Variants in LINGO2 observed in about 807,000 individuals in gnomAD.
LINGO2 encodes leucine-rich repeat and immunoglobulin-like domain-containing nogo receptor-interacting protein 2.
In LINGO2, 14 loss-of-function variants were observed where a neutral mutation model predicts 30.6. The ratio of observed to expected loss-of-function variants is 0.46; its 90% CI spans 0.30 to 0.72. The LOEUF (loss-of-function observed/expected upper bound fraction) is 0.72. Among genes scored for constraint, LINGO2 ranks in the 30% least tolerant of loss-of-function variants. The pLI, the probability that LINGO2 is intolerant of heterozygous loss-of-function variation, is 0.07. For synonymous variants in LINGO2, 317 were observed against 288.5 expected (o/e 1.10, Z -1.00); for missense variants, 729 against 751.7 (o/e 0.97, Z 0.35).
At chr9:27,959,929 T>G (rs541812874) in intron 5 of LINGO2, among the ~76,000 whole-genome samples, 11 of 152,256 alleles carry the variant, frequency 7.2e-5, no homozygotes, top group Admixed American at 6.5e-5. Context: ...TAGGTTTGGG[T>G]TTCATGTATG....
chr9:28,258,985 T>C (rs1822475605), intron 4 of LINGO2, among the ~76,000 whole-genome samples: 1 of 151,924 alleles, frequency 6.6e-6, no homozygotes, highest in African/African-American at 2.4e-5. Flanking sequence ...ATACCAACTT[T>C]ATTTATATTT....
chr9:28,309,637 TA>T (rs1824528271), intron 3 of LINGO2, among the ~76,000 whole-genome samples: 1 of 151,704 alleles, frequency 6.6e-6, no homozygotes, highest in Non-Finnish European at 1.5e-5. Context: ...AATTTACTAT[TA>T]AAGAAAAAAT....
At chr9:28,540,244 C>T (rs1397060526) in intron 1 of LINGO2, among the ~76,000 whole-genome samples, 1 of 150,782 alleles carries the variant, frequency 6.6e-6, no homozygotes, top group Admixed American at 6.6e-5. Context: ...GAGACAGGCT[C>T]TCTCTCTCTT....
chr9:28,781,422 T>G, the LINGO2 span, among the ~76,000 whole-genome samples: 1 of 152,248 alleles, frequency 6.6e-6, no homozygotes, highest in East Asian at 1.9e-4. Flanking sequence ...AGGCAGAAGC[T>G]CCATAAAGAT....
intron 2 of LINGO2, among the ~76,000 whole-genome samples, chr9:28,380,885 C>T (rs1293841702): frequency 6.6e-6 from 1 of 151,946 alleles, no homozygotes; most frequent in East Asian, 1.9e-4. Context: ...ATGAGAAATG[C>T]TAGGTACATA....
At chr9:28,492,656 G>A (rs1344160196) in intron 1 of LINGO2, among the ~76,000 whole-genome samples, 1 of 152,052 alleles carries the variant, frequency 6.6e-6, no homozygotes, top group Non-Finnish European at 1.5e-5. Flanking sequence ...TGAAGAAGAT[G>A]CATTGAAAGG....
chr9:28,802,101 G>A, the LINGO2 span, among the ~76,000 whole-genome samples: 10 of 151,576 alleles, frequency 6.6e-5, no homozygotes, highest in South Asian at 2.1e-4. Context: ...ATATTTATAC[G>A]AATGTTTATA....
At chr9:28,819,694 T>C in the LINGO2 span, among the ~76,000 whole-genome samples, 1 of 152,160 alleles carries the variant, frequency 6.6e-6, no homozygotes, top group Non-Finnish European at 1.5e-5. Flanking sequence ...CACTATTACC[T>C]AATCACAGGC....
At chr9:28,847,012 G>C in the LINGO2 span, among the ~76,000 whole-genome samples, 3 of 146,256 alleles carry the variant, frequency 2.1e-5, 1 homozygote, top group African/African-American at 7.9e-5. Context: ...GGCTCTCAAA[G>C]CTTATTCCTA....
At chr9:28,638,439 C>T (rs1035774975) in intron 1 of LINGO2, among the ~76,000 whole-genome samples, 1 of 152,184 alleles carries the variant, frequency 6.6e-6, no homozygotes, top group East Asian at 1.9e-4. Flanking sequence ...ACTGTGAATC[C>T]GTCTGGTCCT....
At position 28,515,767 on chromosome 9, in the gene LINGO2, CTT is replaced by C. The variant is rs540250427; in HGVS notation, c.-364-39744_-364-39743del. Among the ~76,000 whole-genome samples the C allele has an allele frequency of 2.2e-3, 338 of 152,282 alleles. 1 individual carries two copies. The highest frequency in any genetic ancestry group is 3.4e-3 in the Non-Finnish European group (229 of 68,006). ...AAAGGATTTTAGAACATTAAATAAACTTTGTTGATAAAGCAATGGCAGGTTTT... is the reference window on the plus strand; with the variant it reads ...AAAGGATTTTAGAACATTAAATAAACTGTTGATAAAGCAATGGCAGGTTTT... On this transcript the variant is annotated intron_variant, in intron 1 of 5. Coordinates refer to ENST00000379992, the Ensembl canonical transcript of LINGO2.
At chr9:28,565,925 TG>T (rs1253197299) in intron 1 of LINGO2, among the ~76,000 whole-genome samples, 2 of 152,130 alleles carry the variant, frequency 1.3e-5, no homozygotes. Flanking sequence ...CAGACACTCT[TG>T]GGGCTTTACA....
At chr9:29,211,970 T>C in the LINGO2 span, among the ~76,000 whole-genome samples, 2 of 152,148 alleles carry the variant, frequency 1.3e-5, no homozygotes, top group Non-Finnish European at 2.9e-5. Context: ...GGCACCTTTT[T>C]TAGATACAGA....
chr9:28,673,187 G>A (rs1052086821), upstream of LINGO2, among the ~76,000 whole-genome samples: 2 of 151,998 alleles, frequency 1.3e-5, no homozygotes, highest in African/African-American at 4.8e-5. Context: ...ATGGATAAAA[G>A]AAATCAAAGC....
At chr9:28,171,067 G>A (rs1828568019) in intron 4 of LINGO2, among the ~76,000 whole-genome samples, 2 of 152,120 alleles carry the variant, frequency 1.3e-5, no homozygotes, top group South Asian at 2.1e-4. Context: ...ATGTAAGTTC[G>A]GCCAACCATC....
chr9:28,947,997 C>T, the LINGO2 span, among the ~76,000 whole-genome samples: 2 of 152,034 alleles, frequency 1.3e-5, no homozygotes, highest in Admixed American at 6.6e-5. Context: ...TAAAATTCCA[C>T]ATCATTCTCC....
At chr9:28,454,760 C>T (rs1049304499) in intron 2 of LINGO2, among the ~76,000 whole-genome samples, 3 of 151,898 alleles carry the variant, frequency 2.0e-5, no homozygotes, top group Non-Finnish European at 4.4e-5. Context: ...TAGGTTTTTG[C>T]ACTTGACAGA....
At chr9:29,008,655 A>T in the LINGO2 span, among the ~76,000 whole-genome samples, 1 of 152,216 alleles carries the variant, frequency 6.6e-6, no homozygotes, top group East Asian at 1.9e-4. Flanking sequence ...TGTGGTTTTG[A>T]TTTGCATTTC....
chr9:29,177,819 G>C, the LINGO2 span, among the ~76,000 whole-genome samples: 1 of 152,016 alleles, frequency 6.6e-6, no homozygotes, highest in Non-Finnish European at 1.5e-5. Context: ...GTTGAAAATT[G>C]TCCCCAAATT....
Sources: gnomAD v4.1 joint callset for allele counts (sites outside exome capture counted in the v4.1 genomes callset) on GRCh38, gnomAD v4.1.1 for gene constraint, MANE v1.5 for transcripts, NCBI Gene and HGNC (gene_info 2026-07-23, HGNC 2026-07-21) for gene names.